Variants in RAPH1 observed in about 807,000 individuals in gnomAD.
RAPH1 encodes the protein Ras association (RalGDS/AF-6) and pleckstrin homology domains 1.
In RAPH1, 18 loss-of-function variants were observed where a neutral mutation model predicts 88.1. The observed-to-expected ratio is 0.20, with a 90% CI of 0.14 to 0.30. The LOEUF is 0.30. Ranked by LOEUF, RAPH1 falls within the 10% of genes least tolerant of loss-of-function variation. The pLI is 1.00. For synonymous variants in RAPH1, 587 were observed against 559.0 expected (o/e 1.05, Z -0.71); for missense variants, 1,448 against 1,543.2 (o/e 0.94, Z 1.03).
intron 10 of RAPH1, among the ~76,000 whole-genome samples, chr2:203,451,958 G>A (rs569027434): frequency 6.6e-6 from 1 of 152,194 alleles, no homozygotes; most frequent in Non-Finnish European, 1.5e-5. Context: ...ACAAATACAG[G>A]GAGCAATAAT....
At chr2:203,485,683 C>T (rs975622817) in intron 4 of RAPH1, among the ~76,000 whole-genome samples, 2 of 152,172 alleles carry the variant, frequency 1.3e-5, no homozygotes, top group Non-Finnish European at 2.9e-5. Context: ...ACCCTCTCTA[C>T]CTAGAGCAGT....
chr2:203,471,023 G>T (rs1025032903), intron 4 of RAPH1, among the ~76,000 whole-genome samples: 2 of 152,098 alleles, frequency 1.3e-5, no homozygotes, highest in Non-Finnish European at 1.5e-5. Flanking sequence ...TTTGTAAATG[G>T]CATGGTCCCT....
chr2:203,459,850 G>A (rs1216666284), intron 7 of RAPH1, 57 bp downstream of exon 7: 11 of 1,560,100 alleles, frequency 7.1e-6, no homozygotes, highest in African/African-American at 1.4e-5. Context: ...AGCAGTAATC[G>A]AATAAAATAG....
chr2:203,521,664 G>A (rs933754701), intron 1 of RAPH1, among the ~76,000 whole-genome samples: 2 of 151,816 alleles, frequency 1.3e-5, no homozygotes, highest in African/African-American at 2.4e-5. Context: ...AAAAATATTC[G>A]AAATAAAAAT....
At chr2:203,510,296 A>G (rs1689278281) in intron 1 of RAPH1, among the ~76,000 whole-genome samples, 1 of 134,770 alleles carries the variant, frequency 7.4e-6, no homozygotes, top group Non-Finnish European at 1.5e-5. Context: ...AGATCATGCC[A>G]CTGCACTGCA....
chr2:203,530,388 T>C (rs79605799), intron 1 of RAPH1, among the ~76,000 whole-genome samples: 1 of 152,248 alleles, frequency 6.6e-6, no homozygotes, highest in Non-Finnish European at 1.5e-5. Flanking sequence ...ACAATCCATT[T>C]ATTTTTGTAT....
chr2:203,481,205 G>A (rs1687704933), intron 4 of RAPH1, among the ~76,000 whole-genome samples: 1 of 152,160 alleles, frequency 6.6e-6, no homozygotes, highest in African/African-American at 2.4e-5. Flanking sequence ...GCACTGGCCA[G>A]TCTACTTGTC....
rs1373177694 is a variant in RAPH1 at position 203,466,588 on chromosome 2, T to G, written c.733-4663A>C. Among the ~76,000 whole-genome samples the G allele has an allele frequency of 2.0e-5, 3 of 152,218 alleles. No individual in the cohort carries two copies. In the East Asian group the frequency reaches 5.8e-4, roughly 29 times the overall value. ...AGACAAAGCTTTATTCATCTTATGT[T>G]CCGCTTCCAAAGTCAGGTGTTAAGT... On this transcript the variant is annotated intron_variant, in intron 4 of 13. Transcript: ENST00000319170.
intron 13 of RAPH1, chr2:203,442,359 T>A (rs751760567): frequency 1.8e-5 from 5 of 283,198 alleles, no homozygotes; most frequent in Non-Finnish European, 3.3e-5. Context: ...AAACTTTAGG[T>A]ACATCTTTTA....
At chr2:203,486,931 CTTACA>C (rs1256776017) in intron 4 of RAPH1, among the ~76,000 whole-genome samples, 1 of 152,108 alleles carries the variant, frequency 6.6e-6, no homozygotes, top group Non-Finnish European at 1.5e-5. Flanking sequence ...CTCACCAAAC[CTTACA>C]TTAAACTCTT....
chr2:203,471,918 T>C (rs1481749957), intron 4 of RAPH1, among the ~76,000 whole-genome samples: 3 of 151,926 alleles, frequency 2.0e-5, no homozygotes, highest in Admixed American at 1.3e-4. Context: ...TAGAGAACTA[T>C]CCCTAGGTCC....
chr2:203,455,818 G>C (rs1260625315), intron 8 of RAPH1, among the ~76,000 whole-genome samples: 1 of 150,838 alleles, frequency 6.6e-6, no homozygotes, highest in Non-Finnish European at 1.5e-5. Flanking sequence ...GACCAGCCTG[G>C]CCAACATAGT....
At chr2:203,524,820 A>G (rs1690042038) in intron 1 of RAPH1, among the ~76,000 whole-genome samples, 1 of 152,234 alleles carries the variant, frequency 6.6e-6, no homozygotes, top group Non-Finnish European at 1.5e-5. Context: ...AAAACTTACC[A>G]AATTGTACAC....
intron 6 of RAPH1, 105 bp from the exon 7 acceptor site, chr2:203,460,133 C>G: frequency 1.0e-6 from 1 of 983,998 alleles, no homozygotes; most frequent in Non-Finnish European, 1.5e-6. Context: ...TAATCTTAAC[C>G]GACATTTTAG....
At position 203,535,093 on chromosome 2, in the gene RAPH1, G is replaced by A. The variant is rs1484705143; in HGVS notation, c.-1+18C>T. ...GGCTCCCTACCCCCTGGCCCCGAGGGCGAGGCTAACCACTCACCGCGGCAG... is the reference window on the plus strand; with the variant it reads ...GGCTCCCTACCCCCTGGCCCCGAGGACGAGGCTAACCACTCACCGCGGCAG... On this transcript the variant is annotated intron_variant, in intron 1 of 13. Transcript: ENST00000319170. 2 of 151,658 alleles carry A rather than the reference G, an allele frequency of 1.3e-5. No homozygotes were observed. The highest frequency in any genetic ancestry group is 2.9e-5 in the Non-Finnish European group (2 of 67,856). 9.4% of individuals were successfully genotyped at this position (151,658 alleles called of 1,614,324 possible).
chr2:203,476,601 G>A (rs1008397407), intron 4 of RAPH1, among the ~76,000 whole-genome samples: 3 of 152,062 alleles, frequency 2.0e-5, no homozygotes, highest in East Asian at 1.9e-4. Flanking sequence ...AGTGGCTACC[G>A]TATGGGACAG....
At chr2:203,516,184 T>C (rs1689597137) in intron 1 of RAPH1, among the ~76,000 whole-genome samples, 1 of 152,202 alleles carries the variant, frequency 6.6e-6, no homozygotes. Context: ...CACTATTATC[T>C]GAAAGTGGAT....
At chr2:203,524,193 A>G (rs759358093) in intron 1 of RAPH1, among the ~76,000 whole-genome samples, 1 of 152,208 alleles carries the variant, frequency 6.6e-6, no homozygotes, top group Non-Finnish European at 1.5e-5. Context: ...TACATTGCTC[A>G]ACATCAATAA....
At chr2:203,470,425 A>C in intron 4 of RAPH1, 1 of 595,970 alleles carries the variant, frequency 1.7e-6, no homozygotes, top group Non-Finnish European at 2.9e-6. Flanking sequence ...TCTATAATTA[A>C]TCTCATATCT....
Sources: gnomAD v4.1 joint callset for allele counts (sites outside exome capture counted in the v4.1 genomes callset) on GRCh38, gnomAD v4.1.1 for gene constraint, MANE v1.5 for transcripts, NCBI Gene and HGNC (gene_info 2026-07-23, HGNC 2026-07-21) for gene names.